The following NOTCH3 variants were observed in gnomAD, a reference collection of about 807,000 sequenced individuals.
NOTCH3 encodes the protein notch receptor 3, also known as neurogenic locus notch homolog protein 3.
In NOTCH3, 86 loss-of-function variants were observed where a neutral mutation model predicts 213.3. The observed-to-expected ratio is 0.40, with a 90% confidence interval of 0.34 to 0.48. The LOEUF is 0.48. NOTCH3 is among the 20% of genes least tolerant of loss of function. NOTCH3 has a pLI of 0.57. For missense variants in NOTCH3, 2,783 were observed against 3,272.6 expected, an observed-to-expected ratio of 0.85 and a Z score of 3.65; for synonymous variants, 1,354 against 1,355.9, an observed-to-expected ratio of 1.00 and a Z score of 0.03.
chr19:15,186,862 G>T lies in NOTCH3; in HGVS notation c.1951+16C>A. ...CTCGATCTAAGGACCCCCTCTCATGGCAGCCACTTGCCCACCTGTGAAGCC... is the reference window on the plus strand; with the variant it reads ...CTCGATCTAAGGACCCCCTCTCATGTCAGCCACTTGCCCACCTGTGAAGCC... On this transcript the variant is annotated intron_variant, in intron 12 of 32. Transcript: ENST00000263388. The T allele has an allele frequency of 1.2e-6, 2 of 1,606,560 alleles. No homozygotes were observed. Among genetic ancestry groups the T allele is most frequent in the Non-Finnish European group, 1.7e-6 (2 of 1,173,172 alleles).
At chr19:15,190,059 G>C (rs543239008) in intron 6 of NOTCH3, among the ~76,000 whole-genome samples, 86 of 152,092 alleles carry the variant, frequency 5.7e-4, no homozygotes, top group Non-Finnish European at 1.0e-3. Flanking sequence ...TGCATCGCTT[G>C]AGTTCAAGAG....
At chr19:15,164,648 C>G (rs1447415268) in intron 31 of NOTCH3, among the ~76,000 whole-genome samples, 1 of 152,014 alleles carries the variant, frequency 6.6e-6, no homozygotes. Flanking sequence ...CTATATGTGG[C>G]CAGTGGCTAC....
At position 15,188,301 on chromosome 19, in the gene NOTCH3, T is replaced by A. The variant is rs886054260; in HGVS notation, c.1426A>T (p.Ser476Cys). 2 of 1,607,566 alleles carry A rather than the reference T, an allele frequency of 1.2e-6. No individual in the cohort carries two copies. Among genetic ancestry groups the A allele is most frequent in the Non-Finnish European group, 8.5e-7 (1 of 1,176,864 alleles). ...CAGACCCCACCGTTGACACAGGGGC[T>A]ACTCTGACACTCGTCAATGTCCACC... ...CEVDIDECQSSPCVNGGVCKD... is the reference protein window; with the variant it reads ...CEVDIDECQSCPCVNGGVCKD... Residue 476 changes from serine (S) to cysteine (C), a missense_variant, in exon 9 of 33, where the codon AGC becomes TGC. This residue lies in a region of NOTCH3 where 708 missense variants were observed against 906.6 expected (regional missense o/e 0.78). Transcript: ENST00000263388.
rs2145429159 is a variant in NOTCH3 at position 15,185,178 on chromosome 19, G to T, written c.2296+79C>A. On this transcript the variant is annotated intron_variant, in intron 14 of 32. Transcript: ENST00000263388. This position sits in a 1 kb window ranked among gnomAD's most constrained non-coding sequence, Gnocchi z 4.2. ...AAGCAAAAAAGAAGCTAACATAGCG[G>T]GAGGAGAGAGTAGAGGAGAAGAGAG... The T allele has an allele frequency of 1.3e-6, 2 of 1,548,510 alleles. No homozygotes were observed. The highest frequency in any genetic ancestry group is 1.1e-5 in the South Asian group (1 of 89,498).
intron 28 of NOTCH3, 107 bp from the exon 29 acceptor site, chr19:15,167,518 C>A: frequency 1.1e-6 from 1 of 946,116 alleles, no homozygotes. Flanking sequence ...TTAGGAGATA[C>A]ACACAGAGCC....
chr19:15,171,491 A>C (rs941159238), intron 25 of NOTCH3, among the ~76,000 whole-genome samples: 4 of 152,044 alleles, frequency 2.6e-5, no homozygotes, highest in African/African-American at 9.7e-5. Flanking sequence ...CTGGGACCAC[A>C]GACATGTGCC....
intron 2 of NOTCH3, among the ~76,000 whole-genome samples, chr19:15,192,952 G>T (rs2046941987): frequency 6.6e-6 from 1 of 152,044 alleles, no homozygotes; most frequent in South Asian, 2.1e-4. Context: ...ATTCATTCAT[G>T]CAACGAATAT....
At chr19:15,193,309 T>C (rs2046944483) in intron 2 of NOTCH3, among the ~76,000 whole-genome samples, 1 of 151,604 alleles carries the variant, frequency 6.6e-6, no homozygotes, top group African/African-American at 2.4e-5. Flanking sequence ...CGATCTTGGC[T>C]CACTGCAACC....
rs1212635746 is a variant in NOTCH3 at position 15,173,724 on chromosome 19, CAAAA to C, written c.4736+340_4736+343del. On this transcript the variant is annotated intron_variant, in intron 25 of 32. Transcript: ENST00000263388. The stretch of plus-strand genomic sequence containing the variant: ...AGCCTGGGCGACAGAGACTCCGTCT[CAAAA>C]AAAAAAAAAAAAAGAAAAGAAGAAG... Among the ~76,000 whole-genome samples, 181 of 131,338 alleles carry C rather than the reference CAAAA, an allele frequency of 1.4e-3. 2 individuals carry two copies. Among genetic ancestry groups the C allele is most frequent in the South Asian group, 2.8e-3 (12 of 4,230 alleles). The allele number at this position is 131,338 out of a possible 152,430, so 86.2% of individuals were successfully genotyped here.
chr19:15,174,731 G>A lies in NOTCH3; in HGVS notation c.4404-331C>T, dbSNP rs7408855. On this transcript the variant is annotated intron_variant, in intron 24 of 32. Transcript: ENST00000263388. ...TGGGATTACAGGCATGCACCACCACGCCCGTCTAATTTTTGTATTTTTAGC... is the reference window on the plus strand; with the variant it reads ...TGGGATTACAGGCATGCACCACCACACCCGTCTAATTTTTGTATTTTTAGC... 1.3e-3 allele frequency among the ~76,000 whole-genome samples: 205 copies of A among 152,016 alleles called. 1 individual carries two copies. The highest frequency in any genetic ancestry group is 4.7e-3 in the African/African-American group (194 of 41,484).
intron 1 of NOTCH3, among the ~76,000 whole-genome samples, chr19:15,200,036 G>GGGAGGAGA (rs1418792326): frequency 8.5e-6 from 1 of 117,886 alleles, no homozygotes; most frequent in Non-Finnish European, 1.8e-5. Context: ...GGGGAGGGGA[G>GGGAGGAGA]GGAGGAGAGG....
Position 15,197,575 on chromosome 19 carries a change from G to C in NOTCH3, c.122C>G (p.Pro41Arg). The C allele has an allele frequency of 6.2e-7, 1 of 1,611,454 alleles. No homozygotes were observed. Among genetic ancestry groups the C allele is most frequent in the Non-Finnish European group, 8.5e-7 (1 of 1,179,758 alleles). Residue 41 changes from proline (P) to arginine (R), a missense_variant, in exon 2 of 33, where the codon CCC (proline) becomes CGC (arginine). Around this residue, in one of 6 missense-constraint regions of NOTCH3, gnomAD observed 708 missense variants for 906.6 expected, o/e 0.78. Transcript: ENST00000263388. Reference protein sequence around the residue: ...LLLAGPGAAAPPCLDGSPCAN... With the variant: ...LLLAGPGAAARPCLDGSPCAN... ...ACACGGGCTTCCGTCCAGGCAAGGG[G>C]GGGCTGTGTGGGGGTGAAGGAAGGT...
rs201071248 is a variant in NOTCH3 at position 15,165,424 on chromosome 19, C to T, written c.5759G>A (p.Gly1920Asp). 3.7e-6 allele frequency: 6 copies of T among 1,611,812 alleles called. No individual in the cohort carries two copies. The East Asian group carries it at 6.7e-5, about 18-fold the overall frequency. Residue 1920 changes from glycine (G) to aspartate (D), a missense_variant, in exon 31 of 33, where the codon GGC (glycine) becomes GAC (aspartate). Coordinates refer to ENST00000263388, the MANE Select transcript of NOTCH3 (RefSeq NM_000435.3). This position sits in a 1 kb window ranked among gnomAD's most constrained non-coding sequence, Gnocchi z 4.7. ...GCTGGCGATGAGCTCTTCCACCATG[C>T]CCTCTACTGCCAGGCGGGCCGCCAG... ...LILAARLAVE[G>D]MVEELIASHA...
rs763744665 is a variant in NOTCH3, at chr19:15,197,483, C to G, written c.197+17G>C. On this transcript the variant is annotated intron_variant, in intron 2 of 32. Coordinates refer to ENST00000263388, the MANE Select transcript of NOTCH3 (RefSeq NM_000435.3). Reference sequence around the variant, plus strand: ...CCACACACAGGGCCCACTGGTGGCTCTGAGCCAGGCACTCACAGGCAGGCA... The same window carrying G: ...CCACACACAGGGCCCACTGGTGGCTGTGAGCCAGGCACTCACAGGCAGGCA... 5.7e-6 allele frequency: 7 copies of G among 1,232,374 alleles called. No individual in the cohort carries two copies. The highest frequency in any genetic ancestry group is 7.8e-6 in the Non-Finnish European group (7 of 895,010). 76.3% of individuals were successfully genotyped at this position (1,232,374 alleles called of 1,614,324 possible).
At chr19:15,180,008 G>C in intron 20 of NOTCH3, 64 bp downstream of exon 20, 1 of 1,141,130 alleles carries the variant, frequency 8.8e-7, no homozygotes, top group Admixed American at 1.7e-5. Flanking sequence ...ACACAGAAAT[G>C]TGTGCCCAGA....
At chr19:15,177,071 TAAAAAAAAAAAA>T (rs776950725) in intron 24 of NOTCH3, among the ~76,000 whole-genome samples, 1 of 79,142 alleles carries the variant, frequency 1.3e-5, no homozygotes. Context: ...GACTCCGTCT[TAAAAAAAAAAAA>T]AAAAAAAAAA....
At chr19:15,177,437 G>T in intron 24 of NOTCH3, 88 bp downstream of exon 24, 1 of 1,210,428 alleles carries the variant, frequency 8.3e-7, no homozygotes, top group Non-Finnish European at 1.2e-6. Context: ...GCAAGTGGAT[G>T]GGCAGGTGGA....
rs770998046 is a variant in NOTCH3 at position 15,179,158 on chromosome 19, T to A, written c.3585A>T (p.Pro1195=). 3 of 1,614,014 alleles carry A rather than the reference T, an allele frequency of 1.9e-6. No individual in the cohort carries two copies. Among genetic ancestry groups the A allele is most frequent in the Non-Finnish European group, 8.5e-7 (1 of 1,180,008 alleles). ...LVGGFRCTCP[P]GYTGLRCEAD... is the part of the protein sequence containing the mutation. The stretch of plus-strand genomic sequence containing the variant: ...CCTCGCAGCGCAAACCAGTGTATCC[T>A]GGGGGACAGGTGCAGCGGAAACCAC... Residue 1195 remains proline, a synonymous_variant, in exon 22 of 33, where the codon CCA becomes CCT. Transcript: ENST00000263388.
At chr19:15,162,398 G>T in intron 32 of NOTCH3, 67 bp downstream of exon 32, 1 of 1,038,618 alleles carries the variant, frequency 9.6e-7, no homozygotes, top group Non-Finnish European at 1.5e-6. Context: ...TCACTCTGTT[G>T]CCCAGGCTGG....
Sources: gnomAD v4.1 joint callset for allele counts (sites outside exome capture counted in the v4.1 genomes callset) on GRCh38, gnomAD v4.1.1 for gene constraint, gnomAD v4.1.1 regional missense constraint, Gnocchi (gnomAD v3.1) non-coding constraint, MANE v1.5 for transcripts, NCBI Gene and HGNC (gene_info 2026-07-23, HGNC 2026-07-21) for gene names.